Variants in TENM3 observed in about 807,000 individuals in gnomAD.
The protein encoded by TENM3 is teneurin-3.
Under a neutral mutation model 255.1 loss-of-function variants are expected in TENM3, and 63 were observed. That is an observed-to-expected ratio of 0.25 (90% CI 0.20 to 0.30). TENM3 has a LOEUF of 0.30. Among genes scored for constraint, TENM3 ranks in the 10% least tolerant of loss-of-function variants. TENM3 has a pLI of 1.00. For missense variants in TENM3, 2,929 were observed against 3,461.1 expected (o/e 0.85, Z 3.86); for synonymous variants, 1,306 against 1,322.3 (o/e 0.99, Z 0.27).
At chr4:181,791,351 T>A in the TENM3 span, among the ~76,000 whole-genome samples, 10 of 152,204 alleles carry the variant, frequency 6.6e-5, no homozygotes, top group Non-Finnish European at 1.2e-4. Context: ...ATGTTTGAAG[T>A]CTCTAGCCTG....
intron 6 of TENM3, among the ~76,000 whole-genome samples, chr4:182,665,723 G>A (rs1008441738): frequency 1.1e-4 from 16 of 152,076 alleles, no homozygotes; most frequent in East Asian, 3.9e-4. Context: ...GTGAAACCCC[G>A]TCTCTACAAA....
At chr4:182,507,190 C>T (rs187916895) in intron 3 of TENM3, among the ~76,000 whole-genome samples, 11 of 152,040 alleles carry the variant, frequency 7.2e-5, no homozygotes, top group Admixed American at 2.6e-4. Context: ...AAAAGAAGCC[C>T]GAGTTATTCA....
intron 13 of TENM3, among the ~76,000 whole-genome samples, chr4:182,716,119 C>A (rs1201590822): frequency 6.6e-6 from 1 of 152,134 alleles, no homozygotes; most frequent in Admixed American, 6.5e-5. Context: ...TACTTTCCCC[C>A]AAAGAACCCC....
chr4:181,572,138 G>A, the TENM3 span, among the ~76,000 whole-genome samples: 1 of 152,050 alleles, frequency 6.6e-6, no homozygotes, highest in East Asian at 1.9e-4. Flanking sequence ...TTTCTACTTA[G>A]AAACTTCTAT....
rs1263077586 is a variant in TENM3 at position 182,261,393 on chromosome 4, C to A, written c.-76+17917C>A. Among the ~76,000 whole-genome samples, 4 of 152,084 alleles carry A rather than the reference C, an allele frequency of 2.6e-5. No homozygotes were observed. In the East Asian group the frequency reaches 5.8e-4, roughly 22 times the overall value. Reference sequence around the variant, plus strand: ...CCTTGGGCAGTTATGGCTGTTCCGGCATCGTGAGGGTGATGTCTCCCCTGT... The same window carrying A: ...CCTTGGGCAGTTATGGCTGTTCCGGAATCGTGAGGGTGATGTCTCCCCTGT... On this transcript the variant is annotated intron_variant, in intron 1 of 27. Coordinates refer to ENST00000511685, the MANE Select transcript of TENM3 (RefSeq NM_001080477.4).
At chr4:182,578,661 A>C (rs1189751522) in intron 3 of TENM3, among the ~76,000 whole-genome samples, 1 of 152,104 alleles carries the variant, frequency 6.6e-6, no homozygotes, top group East Asian at 1.9e-4. Context: ...TGGCCCTTGT[A>C]CTCTGGAAGA....
chr4:181,978,518 G>A, the TENM3 span, among the ~76,000 whole-genome samples: 7 of 151,912 alleles, frequency 4.6e-5, no homozygotes, highest in East Asian at 7.8e-4. Flanking sequence ...ATGGTGGTGC[G>A]CGCCTGTAAT....
the TENM3 span, among the ~76,000 whole-genome samples, chr4:181,587,606 C>A: frequency 1.3e-5 from 2 of 152,156 alleles, no homozygotes; most frequent in African/African-American, 4.8e-5. Flanking sequence ...AGCATGACCA[C>A]CAGTAACGGA....
the TENM3 span, among the ~76,000 whole-genome samples, chr4:181,667,020 G>T: frequency 2.0e-5 from 3 of 152,082 alleles, no homozygotes; most frequent in Admixed American, 6.6e-5. Flanking sequence ...TTTGACAAAT[G>T]CTAACATTGT....
the TENM3 span, among the ~76,000 whole-genome samples, chr4:181,663,405 T>C: frequency 6.6e-6 from 1 of 152,158 alleles, no homozygotes; most frequent in Non-Finnish European, 1.5e-5. Context: ...CCGTGCACTC[T>C]AATGTTACGG....
At chr4:182,178,455 A>G (rs1465239529) in intron 1 of TENM3, among the ~76,000 whole-genome samples, 2 of 152,154 alleles carry the variant, frequency 1.3e-5, no homozygotes, top group Non-Finnish European at 2.9e-5. Context: ...GCTAACCCCC[A>G]TGGACAAGTT....
the TENM3 span, among the ~76,000 whole-genome samples, chr4:181,492,668 ATT>A: frequency 9.0e-3 from 1,364 of 152,130 alleles, 17 homozygotes; most frequent in South Asian, 0.033. Context: ...TGTTCTACAG[ATT>A]TTTTTTATCC....
At chr4:181,842,527 T>C in the TENM3 span, among the ~76,000 whole-genome samples, 2 of 152,208 alleles carry the variant, frequency 1.3e-5, no homozygotes, top group Non-Finnish European at 2.9e-5. Flanking sequence ...TTTAAATATT[T>C]CTCTGCAACT....
At chr4:182,718,009 A>T (rs7668885) in intron 13 of TENM3, among the ~76,000 whole-genome samples, 26,271 of 151,912 alleles carry the variant, frequency 0.17, 2,369 homozygotes, top group Non-Finnish European at 0.21. Context: ...TCTTTTCACC[A>T]GCCATTTGCA....
chr4:181,800,523 C>T, the TENM3 span, among the ~76,000 whole-genome samples: 1 of 152,182 alleles, frequency 6.6e-6, no homozygotes, highest in Non-Finnish European at 1.5e-5. Flanking sequence ...ATCCCAGCTA[C>T]TCAGGAGGCT....
chr4:182,763,043 G>C (rs1763341726), intron 22 of TENM3, among the ~76,000 whole-genome samples: 1 of 152,182 alleles, frequency 6.6e-6, no homozygotes, highest in Middle Eastern at 3.2e-3. Context: ...ATACTCCTTT[G>C]TAGCGCTCTC....
chr4:182,739,816 A>G (rs981660659), intron 18 of TENM3, among the ~76,000 whole-genome samples: 35 of 152,316 alleles, frequency 2.3e-4, no homozygotes, highest in African/African-American at 8.2e-4. Flanking sequence ...CAGGTGGATC[A>G]CTTGACGTCA....
the TENM3 span, among the ~76,000 whole-genome samples, chr4:182,000,927 G>A: frequency 6.6e-6 from 1 of 150,628 alleles, no homozygotes; most frequent in Non-Finnish European, 1.5e-5. Context: ...GAACATGAAA[G>A]TTGAAAAGAG....
chr4:182,389,748 C>T (rs1381386901), intron 3 of TENM3, among the ~76,000 whole-genome samples: 2 of 138,294 alleles, frequency 1.4e-5, no homozygotes, highest in African/African-American at 5.3e-5. Context: ...TGCAGTGGCG[C>T]GATCTCGGCT....
Sources: gnomAD v4.1 joint callset for allele counts (sites outside exome capture counted in the v4.1 genomes callset) on GRCh38, gnomAD v4.1.1 for gene constraint, MANE v1.5 for transcripts, NCBI Gene and HGNC (gene_info 2026-07-23, HGNC 2026-07-21) for gene names.